The following SMURF1 variants were observed in gnomAD, a reference collection of about 807,000 sequenced individuals.
The protein encoded by SMURF1 is E3 ubiquitin-protein ligase SMURF1.
Under a neutral mutation model 98.0 loss-of-function variants are expected in SMURF1, and 44 were observed. That is an observed-to-expected ratio of 0.45 (90% CI 0.35 to 0.58). SMURF1 has a LOEUF of 0.58. Among genes scored for constraint, SMURF1 ranks in the 20% least tolerant of loss-of-function variants. The pLI is 0.00. For synonymous variants in SMURF1, 396 were observed against 374.9 expected (o/e 1.06, Z -0.65); for missense variants, 687 against 938.4 (o/e 0.73, Z 3.50).
intron 3 of SMURF1, among the ~76,000 whole-genome samples, chr7:99,059,153 A>G: frequency 6.6e-6 from 1 of 151,908 alleles, no homozygotes; most frequent in Non-Finnish European, 1.5e-5. Context: ...TAATCCCAGC[A>G]CTTTGGGAGG....
In SMURF1 at chr7:99,033,058, T is replaced by C; in HGVS notation, c.2075A>G (p.Asn692Ser). ...TIHLIDANTD[N>S]LPKAHTCFNR... ...TTACCAGGTATGGGCCTTCGGAAGGTTGTCTGTGTTCGCGTCTATCAGGTG... is the reference window on the plus strand; with the variant it reads ...TTACCAGGTATGGGCCTTCGGAAGGCTGTCTGTGTTCGCGTCTATCAGGTG... Residue 692 changes from asparagine to serine, a missense_variant, in exon 17 of 18, where the codon AAC (asparagine) becomes AGC (serine). Transcript: ENST00000361368. The C allele has an allele frequency of 2.5e-6, 4 of 1,594,826 alleles. No individual in the cohort carries two copies. The South Asian group carries it at 4.5e-5, about 18-fold the overall frequency.
At chr7:99,082,362 T>A (rs567457161) in intron 1 of SMURF1, among the ~76,000 whole-genome samples, 1 of 152,242 alleles carries the variant, frequency 6.6e-6, no homozygotes, top group Non-Finnish European at 1.5e-5. Flanking sequence ...GACCAAAGTA[T>A]TGAAGATTTA....
chr7:99,046,575 A>T (rs1795584065), intron 10 of SMURF1, among the ~76,000 whole-genome samples: 4 of 151,840 alleles, frequency 2.6e-5, no homozygotes. Flanking sequence ...TACTAAAAAT[A>T]CAAAAAATTA....
intron 1 of SMURF1, among the ~76,000 whole-genome samples, chr7:99,134,896 C>T (rs1175852771): frequency 6.6e-6 from 1 of 152,002 alleles, no homozygotes; most frequent in Non-Finnish European, 1.5e-5. Flanking sequence ...AATCATTTTG[C>T]CTTATTTTAA....
At chr7:99,063,287 A>AAGATT (rs1249684151) in intron 1 of SMURF1, among the ~76,000 whole-genome samples, 1 of 23,588 alleles carries the variant, frequency 4.2e-5, no homozygotes, top group Non-Finnish European at 1.1e-4. Context: ...ATATATATAT[A>AAGATT]TATATATATA....
At chr7:99,073,765 C>CAA (rs764379109) in intron 1 of SMURF1, among the ~76,000 whole-genome samples, 13 of 102,186 alleles carry the variant, frequency 1.3e-4, no homozygotes, top group Admixed American at 3.2e-4. Flanking sequence ...GATTCCATCT[C>CAA]AAAAAAAAAA....
chr7:99,143,301 G>A (rs1427840507), intron 1 of SMURF1, among the ~76,000 whole-genome samples: 1 of 142,480 alleles, frequency 7.0e-6, no homozygotes, highest in Admixed American at 6.9e-5. Flanking sequence ...GCTAGGGAGA[G>A]GAAGGGAAGC....
chr7:99,135,651 A>G (rs1797975046), intron 1 of SMURF1, among the ~76,000 whole-genome samples: 1 of 152,266 alleles, frequency 6.6e-6, no homozygotes, highest in Admixed American at 6.5e-5. Context: ...CCCTGCTGAT[A>G]CACATTCACA....
Position 99,045,868 on chromosome 7 carries a change from G to C in SMURF1, c.1153-67C>G, listed in dbSNP as rs551266611. ...ATTCTTAAAGTTATGAAAGGTCATT[G>C]ATAATGGAGCCCGGTTAAGAACACG... On this transcript the variant is annotated intron_variant, in intron 10 of 17. Transcript: ENST00000361368. 4.8e-6 allele frequency: 6 copies of C among 1,247,594 alleles called. No homozygotes were observed. The South Asian group carries it at 7.3e-5, about 15-fold the overall frequency. 77.3% of individuals were successfully genotyped at this position (1,247,594 alleles called of 1,614,324 possible). A position where few individuals can be genotyped will look rare whatever the true frequency, so the allele number is the denominator to read the frequency against.
intron 1 of SMURF1, among the ~76,000 whole-genome samples, chr7:99,127,417 C>A (rs779416732): frequency 6.6e-6 from 1 of 152,068 alleles, no homozygotes; most frequent in Non-Finnish European, 1.5e-5. Flanking sequence ...CTCGGCCGGG[C>A]CTGGTGGCTC....
At chr7:99,116,867 C>G (rs1386278403) in intron 1 of SMURF1, among the ~76,000 whole-genome samples, 1 of 152,112 alleles carries the variant, frequency 6.6e-6, no homozygotes, top group Non-Finnish European at 1.5e-5. Flanking sequence ...TCATATAAAA[C>G]TACAGGGGAG....
intron 1 of SMURF1, among the ~76,000 whole-genome samples, chr7:99,119,207 G>A (rs868472578): frequency 6.6e-5 from 10 of 151,898 alleles, no homozygotes; most frequent in South Asian, 2.1e-4. Context: ...TTTATCTAGC[G>A]TATCTTTGCT....
chr7:99,050,999 C>G (rs1795739162), intron 8 of SMURF1: 27 of 1,548,810 alleles, frequency 1.7e-5, no homozygotes, highest in Admixed American at 2.0e-5. Flanking sequence ...GGGACTGAGG[C>G]AATGGGGACA....
At chr7:99,111,754 A>AG (rs1484867497) in intron 1 of SMURF1, among the ~76,000 whole-genome samples, 1 of 152,222 alleles carries the variant, frequency 6.6e-6, no homozygotes, top group Non-Finnish European at 1.5e-5. Context: ...CTAACATTCC[A>AG]GTACAGGTAC....
chr7:99,047,673 G>C lies in SMURF1; in HGVS notation c.1152+11C>G, dbSNP rs771901678. 1.1e-5 allele frequency: 18 copies of C among 1,614,008 alleles called. No homozygotes were observed. The highest frequency in any genetic ancestry group is 1.7e-5 in the Admixed American group (1 of 60,006). The stretch of plus-strand genomic sequence containing the variant: ...TGAACAGGGTCTGGGCAGTGGCCCT[G>C]AACTCTCTACCTCAAAGATTTCTTC... On this transcript the variant is annotated intron_variant, in intron 10 of 17. Transcript: ENST00000361368.
At chr7:99,056,114 A>C (rs1362511191) in intron 5 of SMURF1, among the ~76,000 whole-genome samples, 3 of 152,262 alleles carry the variant, frequency 2.0e-5, no homozygotes, top group African/African-American at 7.2e-5. Context: ...ACATCCCGCC[A>C]CAAAGAAAAA....
intron 1 of SMURF1, among the ~76,000 whole-genome samples, chr7:99,135,793 T>C (rs566770613): frequency 3.6e-4 from 55 of 152,298 alleles, no homozygotes; most frequent in African/African-American, 1.3e-3. Flanking sequence ...AGCATAAACA[T>C]TTATGATCTG....
intron 1 of SMURF1, among the ~76,000 whole-genome samples, chr7:99,119,992 G>A (rs1161076377): frequency 6.6e-6 from 1 of 152,150 alleles, no homozygotes; most frequent in African/African-American, 2.4e-5. Flanking sequence ...CTGGAGATGG[G>A]GCTTACTGGG....
chr7:99,067,243 G>A (rs971597953), intron 1 of SMURF1, among the ~76,000 whole-genome samples: 4 of 151,450 alleles, frequency 2.6e-5, no homozygotes, highest in African/African-American at 4.9e-5. Flanking sequence ...TGGTCCACCC[G>A]CCTCGGCCTC....
Sources: allele counts gnomAD v4.1 joint callset (sites outside exome capture counted in the v4.1 genomes callset), GRCh38; gene constraint gnomAD v4.1.1; transcripts MANE v1.5; gene names NCBI Gene and HGNC (gene_info 2026-07-23, HGNC 2026-07-21).